The following ZNF600 variants were observed in gnomAD, a reference collection of about 807,000 sequenced individuals.
The protein encoded by ZNF600 is zinc finger protein KR-ZNF1.
In ZNF600, 4 loss-of-function variants were observed where a neutral mutation model predicts 7.3. The observed-to-expected ratio is 0.55, with a 90% CI of 0.27 to 1.25. ZNF600 has a LOEUF of 1.25. ZNF600 is among the 50% of genes most tolerant of loss of function. The pLI, the probability that ZNF600 is intolerant of heterozygous loss-of-function variation, is 0.12. For missense variants in ZNF600, 911 were observed against 922.1 expected, an observed-to-expected ratio of 0.99 and a Z score of 0.16; for synonymous variants, 290 against 308.9, an observed-to-expected ratio of 0.94 and a Z score of 0.64.
At chr19:52,807,990 C>T in the ZNF600 span, 1 of 1,612,804 alleles carries the variant, frequency 6.2e-7, no homozygotes. Context: ...GGCACATCCC[C>T]AGGAGGTTAT....
the ZNF600 span, among the ~76,000 whole-genome samples, chr19:52,792,262 G>A: frequency 2.0e-5 from 3 of 152,128 alleles, no homozygotes; most frequent in Non-Finnish European, 4.4e-5. Flanking sequence ...GTGAGCGTTG[G>A]GCTGTGTGAA....
the ZNF600 span, among the ~76,000 whole-genome samples, chr19:52,816,785 C>A: frequency 6.6e-6 from 1 of 151,608 alleles, no homozygotes; most frequent in Admixed American, 6.6e-5. Flanking sequence ...AAGCTGAGAT[C>A]ATGCCACTGC....
At position 52,765,641 on chromosome 19, in the gene ZNF600, C is replaced by G. The variant is rs757813449; in HGVS notation, c.2322G>C (p.Lys774Asn). The change falls in exon 4 of 4, where the codon AAG becomes AAC. Residue 774 changes from lysine (K) to asparagine (N), a missense_variant. Transcript: ENST00000648973. Reference sequence around the variant, plus strand: ...CCTGATGGTGAATAAGTGTTGACTGCTTGCTAAAGGCTTTGCCACACTCAT... The same window carrying G: ...CCTGATGGTGAATAAGTGTTGACTGGTTGCTAAAGGCTTTGCCACACTCAT... The G allele has an allele frequency of 2.5e-6, 4 of 1,613,812 alleles. No individual in the cohort carries two copies. In the South Asian group the frequency reaches 4.4e-5, roughly 18 times the overall value.
the ZNF600 span, among the ~76,000 whole-genome samples, chr19:52,824,653 A>G: frequency 2.0e-5 from 3 of 151,962 alleles, no homozygotes; most frequent in African/African-American, 7.3e-5. Flanking sequence ...GAAATAACTA[A>G]CTTTAAAGAC....
At chr19:52,826,977 A>T in the ZNF600 span, among the ~76,000 whole-genome samples, 1 of 151,990 alleles carries the variant, frequency 6.6e-6, no homozygotes, top group Non-Finnish European at 1.5e-5. Context: ...GGGAGGCTGA[A>T]ATGGGAAGAT....
At chr19:52,786,278 G>A (rs2062762858) in intron 1 of ZNF600, among the ~76,000 whole-genome samples, 1 of 152,114 alleles carries the variant, frequency 6.6e-6, no homozygotes, top group Non-Finnish European at 1.5e-5. Flanking sequence ...GGACGTGGTG[G>A]GCGACGGCAC....
chr19:52,767,471 C>A, exon 4 of ZNF600: 3 of 1,614,118 alleles, frequency 1.9e-6, no homozygotes, highest in East Asian at 2.2e-5. Flanking sequence ...GGAGTTCAGG[C>A]AGATGTGAAT....
the ZNF600 span, among the ~76,000 whole-genome samples, chr19:52,822,937 T>C: frequency 2.6e-5 from 4 of 152,102 alleles, no homozygotes; most frequent in Non-Finnish European, 5.9e-5. Flanking sequence ...CAACTCCAAA[T>C]GAAGGGGGCC....
At chr19:52,809,042 A>G in the ZNF600 span, among the ~76,000 whole-genome samples, 3 of 152,316 alleles carry the variant, frequency 2.0e-5, no homozygotes, top group Admixed American at 1.3e-4. Context: ...GTGGGGATAT[A>G]TATGTACATA....
At chr19:52,797,328 C>T in the ZNF600 span, 3 of 152,316 alleles carry the variant, frequency 2.0e-5, no homozygotes, top group Admixed American at 2.0e-4. Context: ...TGCAAGAATG[C>T]TCTCACCCTT....
At chr19:52,798,848 T>C in the ZNF600 span, 1 of 1,184,472 alleles carries the variant, frequency 8.4e-7, no homozygotes. Context: ...ATCATTATAT[T>C]AGTCAAGTTT....
the ZNF600 span, among the ~76,000 whole-genome samples, chr19:52,826,793 T>C: frequency 1.3e-5 from 2 of 151,990 alleles, no homozygotes; most frequent in Non-Finnish European, 2.9e-5. Flanking sequence ...GGAGAACTGC[T>C]TGAACCCAGG....
At chr19:52,777,716 C>A (rs2062687573) in intron 2 of ZNF600, among the ~76,000 whole-genome samples, 1 of 151,780 alleles carries the variant, frequency 6.6e-6, no homozygotes, top group Non-Finnish European at 1.5e-5. Flanking sequence ...GAAGTCCCAG[C>A]AACTCAGGAG....
the ZNF600 span, chr19:52,799,895 G>A: frequency 1.9e-3 from 3,031 of 1,602,506 alleles, 46 homozygotes; most frequent in African/African-American, 0.037. Flanking sequence ...GATGGTATAC[G>A]AGGGATGACA....
the ZNF600 span, among the ~76,000 whole-genome samples, chr19:52,833,136 A>T: frequency 6.6e-6 from 1 of 152,090 alleles, no homozygotes; most frequent in Non-Finnish European, 1.5e-5. Context: ...GTCTCCCCTT[A>T]TTGGTCTCCT....
the ZNF600 span, among the ~76,000 whole-genome samples, chr19:52,803,160 A>C: frequency 6.6e-6 from 1 of 152,132 alleles, no homozygotes; most frequent in Non-Finnish European, 1.5e-5. Context: ...GCTCAATGCA[A>C]CCTCTGCCTT....
chr19:52,792,206 G>A, the ZNF600 span, among the ~76,000 whole-genome samples: 1 of 152,190 alleles, frequency 6.6e-6, no homozygotes, highest in East Asian at 1.9e-4. Flanking sequence ...GATGGCAAAG[G>A]AGCAAAAATA....
At chr19:52,799,724 T>G in the ZNF600 span, 1 of 1,610,738 alleles carries the variant, frequency 6.2e-7, no homozygotes, top group South Asian at 1.1e-5. Flanking sequence ...TATGATGGTA[T>G]ACAAGGTTTG....
At chr19:52,831,702 C>T in the ZNF600 span, among the ~76,000 whole-genome samples, 1 of 152,006 alleles carries the variant, frequency 6.6e-6, no homozygotes, top group Non-Finnish European at 1.5e-5. Context: ...GATGGGGTTT[C>T]ACCGTGTTAG....
Sources: allele counts gnomAD v4.1 joint callset (sites outside exome capture counted in the v4.1 genomes callset), GRCh38; gene constraint gnomAD v4.1.1; transcripts MANE v1.5; gene names NCBI Gene and HGNC (gene_info 2026-07-23, HGNC 2026-07-21).